Variants in RUSC2 observed in about 807,000 individuals in gnomAD.
The protein encoded by RUSC2 is RUN and SH3 domain containing 2.
Under a neutral mutation model 122.2 loss-of-function variants are expected in RUSC2, and 34 were observed. That is an observed-to-expected ratio of 0.28 (90% confidence interval 0.21 to 0.37). RUSC2 has a LOEUF of 0.37. Ranked by LOEUF, RUSC2 falls within the 10% of genes least tolerant of loss-of-function variation. The pLI is 1.00. For synonymous variants in RUSC2, 784 were observed against 790.0 expected (o/e 0.99, Z 0.13); for missense variants, 1,747 against 1,952.4 (o/e 0.89, Z 1.98).
chr9:35,514,528 C>A (rs886930736), intron 1 of RUSC2, among the ~76,000 whole-genome samples: 1 of 152,076 alleles, frequency 6.6e-6, no homozygotes, highest in Non-Finnish European at 1.5e-5. Context: ...GGAAGGGAAA[C>A]CAGGTTAGAG....
At chr9:35,536,818 A>AG (rs1336168307) in intron 1 of RUSC2, among the ~76,000 whole-genome samples, 36 of 150,808 alleles carry the variant, frequency 2.4e-4, no homozygotes, top group African/African-American at 8.2e-4. Context: ...CAAAAAAAAA[A>AG]AAAAAAAAAA....
In RUSC2 at chr9:35,560,151, G is replaced by A. The variant is rs781773351; in HGVS notation, c.3511G>A (p.Asp1171Asn). 34 of 1,609,074 alleles carry A rather than the reference G, an allele frequency of 2.1e-5. No individual in the cohort carries two copies. Among genetic ancestry groups the A allele is most frequent in the Non-Finnish European group, 2.8e-5 (33 of 1,179,946 alleles). The stretch of plus-strand genomic sequence containing the variant: ...CCTGGCCCTGCTGCCCTTCAGCCTC[G>A]ACTTGCTGTTCCAGCACCGGCTGCT... The part of the protein sequence containing the change: ...QPLALLPFSL[D>N]LLFQHRLLQS... Residue 1171 changes from aspartate (D) to asparagine (N), a missense_variant, in exon 10 of 12, where the codon GAC becomes AAC. Asp to Asn is a conservative substitution (Grantham distance 23). Coordinates refer to ENST00000361226, the MANE Select transcript of RUSC2 (RefSeq NM_014806.5).
At chr9:35,523,606 G>T (rs1226949987) in intron 1 of RUSC2, among the ~76,000 whole-genome samples, 1 of 151,976 alleles carries the variant, frequency 6.6e-6, no homozygotes, top group Non-Finnish European at 1.5e-5. Context: ...CTTGAGCCCA[G>T]GAGTTTGAGA....
chr9:35,522,573 G>A (rs1821236455), intron 1 of RUSC2, among the ~76,000 whole-genome samples: 1 of 152,120 alleles, frequency 6.6e-6, no homozygotes, highest in African/African-American at 2.4e-5. Context: ...CCTCAAATTG[G>A]GCTATTACCC....
chr9:35,495,051 A>ATATATATTATATATT (rs1564239965), intron 1 of RUSC2, among the ~76,000 whole-genome samples: 1 of 20,824 alleles, frequency 4.8e-5, no homozygotes, highest in African/African-American at 2.5e-4. Flanking sequence ...TAGTATATAT[A>ATATATATTATATATT]ATATATACTA....
At position 35,558,570 on chromosome 9, in the gene RUSC2, G is replaced by A. The variant is rs750926020; in HGVS notation, c.3341+3G>A. Reference sequence around the variant, plus strand: ...GCCTTCATCCTCGGCCTGCTCAAGTGAGTGCACAGAGCAGCAAGATCCCCT... The same window carrying A: ...GCCTTCATCCTCGGCCTGCTCAAGTAAGTGCACAGAGCAGCAAGATCCCCT... On this transcript the variant is annotated splice_donor_region_variant and intron_variant, in intron 8 of 11. Coordinates refer to ENST00000361226, the MANE Select transcript of RUSC2 (RefSeq NM_014806.5). This position sits in a 1 kb window ranked among gnomAD's most constrained non-coding sequence, Gnocchi z 4.3. 1.2e-6 allele frequency: 2 copies of A among 1,608,538 alleles called. No homozygotes were observed. The highest frequency in any genetic ancestry group is 1.7e-6 in the Non-Finnish European group (2 of 1,174,948).
At chr9:35,523,949 A>T (rs755363756) in intron 1 of RUSC2, among the ~76,000 whole-genome samples, 1 of 152,212 alleles carries the variant, frequency 6.6e-6, no homozygotes, top group Non-Finnish European at 1.5e-5. Context: ...TCCTAAATCA[A>T]TAAATTAAGA....
intron 2 of RUSC2, among the ~76,000 whole-genome samples, chr9:35,551,931 G>A (rs1821907203): frequency 6.6e-6 from 1 of 152,086 alleles, no homozygotes; most frequent in African/African-American, 2.4e-5. Context: ...GGGAGTGATG[G>A]CACATGCCTG....
intron 2 of RUSC2, among the ~76,000 whole-genome samples, chr9:35,551,146 AAG>A (rs1821885471): frequency 6.6e-6 from 1 of 152,156 alleles, no homozygotes; most frequent in Non-Finnish European, 1.5e-5. Context: ...TTTGAACCAA[AAG>A]AGTTCTAAAG....
At chr9:35,536,513 A>C (rs999914028) in intron 1 of RUSC2, among the ~76,000 whole-genome samples, 1 of 152,164 alleles carries the variant, frequency 6.6e-6, no homozygotes, top group African/African-American at 2.4e-5. Flanking sequence ...GGTTGAGTGG[A>C]GTAGAGTAGA....
Position 35,547,729 on chromosome 9 carries a change from A to T in RUSC2, c.1208A>T (p.Asp403Val). ...TQNYYKLVTC[D>V]LSSQSSPSPA... ...AATTACTATAAACTTGTCACCTGTG[A>T]CCTATCTTCCCAATCATCCCCAAGC... is the stretch of plus-strand genomic sequence containing the variant. The change falls in exon 2 of 12, where the codon GAC becomes GTC. Residue 403 changes from aspartate to valine, a missense_variant. Transcript: ENST00000361226. The surrounding 1 kb of genome is among the most constrained non-coding windows in gnomAD (Gnocchi z 4.6). The T allele has an allele frequency of 6.2e-7, 1 of 1,613,678 alleles. No individual in the cohort carries two copies. The highest frequency in any genetic ancestry group is 8.5e-7 in the Non-Finnish European group (1 of 1,179,924).
chr9:35,516,219 G>A, intron 1 of RUSC2, among the ~76,000 whole-genome samples: 1 of 151,932 alleles, frequency 6.6e-6, no homozygotes, highest in East Asian at 1.9e-4. Context: ...ATAGCAGTTT[G>A]CCACCTGTTT....
intron 1 of RUSC2, among the ~76,000 whole-genome samples, chr9:35,503,045 A>G (rs906761678): frequency 1.3e-5 from 2 of 152,070 alleles, no homozygotes; most frequent in African/African-American, 4.8e-5. Context: ...TATTTTTAGT[A>G]GAGATAGGGT....
intron 1 of RUSC2, among the ~76,000 whole-genome samples, chr9:35,495,869 C>G (rs1820702731): frequency 6.6e-6 from 1 of 152,078 alleles, no homozygotes; most frequent in South Asian, 2.1e-4. Context: ...TCTCAGTGTA[C>G]AAGTCTTTCA....
At chr9:35,543,833 T>A (rs1821691024) in intron 1 of RUSC2, among the ~76,000 whole-genome samples, 1 of 152,242 alleles carries the variant, frequency 6.6e-6, no homozygotes, top group South Asian at 2.1e-4. Flanking sequence ...AATGGAATCA[T>A]ACAACATCAC....
chr9:35,500,858 A>G (rs1051369448), intron 1 of RUSC2, among the ~76,000 whole-genome samples: 4 of 152,206 alleles, frequency 2.6e-5, no homozygotes, highest in Non-Finnish European at 5.9e-5. Context: ...TATCCAACAC[A>G]GCAACCTGCA....
rs544797957 is a variant in RUSC2 at position 35,515,999 on chromosome 9, C to CAAAAAAAAAAAAAAAAAAAA, written c.-93+25832_-93+25851dup. On this transcript the variant is annotated intron_variant, in intron 1 of 11. Transcript: ENST00000361226. ...GAGCGACACAGCGAGATTCTTGTCT[C>CAAAAAAAAAAAAAAAAAAAA]AAAAAAAAAAAAAAAAAAAAAAAAG... Among the ~76,000 whole-genome samples the CAAAAAAAAAAAAAAAAAAAA allele has an allele frequency of 1.7e-3, 82 of 47,194 alleles. 4 individuals are homozygous for CAAAAAAAAAAAAAAAAAAAA. The highest frequency in any genetic ancestry group is 2.2e-3 in the Non-Finnish European group (61 of 27,380). 31.0% of individuals were successfully genotyped at this position (47,194 alleles called of 152,430 possible). A position where few individuals can be genotyped will look rare whatever the true frequency, so the allele number is the denominator to read the frequency against.
At chr9:35,550,095 C>G (rs1158673038) in intron 2 of RUSC2, among the ~76,000 whole-genome samples, 1 of 151,556 alleles carries the variant, frequency 6.6e-6, no homozygotes, top group South Asian at 2.1e-4. Flanking sequence ...GCCTGTAATC[C>G]CAGCTACTCT....
intron 1 of RUSC2, among the ~76,000 whole-genome samples, chr9:35,490,590 A>G (rs1366885747): frequency 1.3e-5 from 2 of 151,970 alleles, no homozygotes; most frequent in Non-Finnish European, 2.9e-5. Flanking sequence ...GCCGCCCGGC[A>G]CCCAGGCCGG....
Sources: allele counts gnomAD v4.1 joint callset (sites outside exome capture counted in the v4.1 genomes callset), GRCh38; gene constraint gnomAD v4.1.1; non-coding constraint Gnocchi (gnomAD v3.1); transcripts MANE v1.5; gene names NCBI Gene and HGNC (gene_info 2026-07-23, HGNC 2026-07-21).